TMEM217B: variants seen among roughly 807,000 people sequenced by gnomAD.
TMEM217B encodes the protein transmembrane protein 217B, also known as putative transmembrane protein 217B.
At chr6:37,248,602 CTCTT>C in the TMEM217B span, among the ~76,000 whole-genome samples, 1 of 152,212 alleles carries the variant, frequency 6.6e-6, no homozygotes, top group Admixed American at 6.5e-5. Context: ...GCCTCTTCCT[CTCTT>C]TGAGCTTCAG....
At chr6:37,229,433 C>G in the TMEM217B span, among the ~76,000 whole-genome samples, 2 of 150,488 alleles carry the variant, frequency 1.3e-5, no homozygotes, top group African/African-American at 4.9e-5. Context: ...AGCTCCGCCT[C>G]CCGGGTTCAC....
chr6:37,250,072 T>G, the TMEM217B span, among the ~76,000 whole-genome samples: 1 of 152,178 alleles, frequency 6.6e-6, no homozygotes, highest in Non-Finnish European at 1.5e-5. Context: ...CAGTGAAAAT[T>G]AGTGAACTGT....
the TMEM217B span, chr6:37,218,670 T>C: frequency 6.2e-7 from 1 of 1,614,150 alleles, no homozygotes; most frequent in Non-Finnish European, 8.5e-7. Flanking sequence ...ACCTCTTTAA[T>C]GTCAAAGTCA....
At chr6:37,235,389 A>G in the TMEM217B span, among the ~76,000 whole-genome samples, 1 of 152,048 alleles carries the variant, frequency 6.6e-6, no homozygotes, top group Non-Finnish European at 1.5e-5. Flanking sequence ...TTTTTGAGAC[A>G]GAGTCTTGCT....
the TMEM217B span, chr6:37,215,112 C>A: frequency 6.4e-7 from 1 of 1,564,944 alleles, no homozygotes; most frequent in Non-Finnish European, 8.7e-7. Flanking sequence ...CGGCACCTCT[C>A]TCTTGGGTCA....
the TMEM217B span, among the ~76,000 whole-genome samples, chr6:37,213,437 C>G: frequency 6.6e-6 from 1 of 152,212 alleles, no homozygotes; most frequent in Non-Finnish European, 1.5e-5. Flanking sequence ...CATCCTCTGC[C>G]CCCACTACTC....
the TMEM217B span, among the ~76,000 whole-genome samples, chr6:37,222,866 C>T: frequency 6.6e-6 from 1 of 152,244 alleles, no homozygotes. Flanking sequence ...CTAGCCGCGC[C>T]TCCCTGCTGC....
the TMEM217B span, chr6:37,215,076 G>C: frequency 7.6e-7 from 1 of 1,323,442 alleles, no homozygotes; most frequent in South Asian, 1.4e-5. Flanking sequence ...CCACAGCTCT[G>C]CTGCCCCAGC....
chr6:37,217,894 G>T, the TMEM217B span: 3 of 985,726 alleles, frequency 3.0e-6, no homozygotes, highest in African/African-American at 5.2e-5. Flanking sequence ...GACCAATCAG[G>T]TGGTAGAAAG....
At chr6:37,247,064 C>A in the TMEM217B span, among the ~76,000 whole-genome samples, 3 of 152,144 alleles carry the variant, frequency 2.0e-5, no homozygotes, top group East Asian at 5.8e-4. Context: ...CAGATCTGGT[C>A]ATGTCATGTC....
At chr6:37,244,252 A>T in the TMEM217B span, among the ~76,000 whole-genome samples, 1 of 152,222 alleles carries the variant, frequency 6.6e-6, no homozygotes, top group Non-Finnish European at 1.5e-5. Flanking sequence ...GAACAAGGAG[A>T]ATCTGGAGGT....
the TMEM217B span, chr6:37,218,870 T>A: frequency 1.2e-5 from 20 of 1,614,090 alleles, no homozygotes; most frequent in Middle Eastern, 9.9e-4. Context: ...ATTTATGATG[T>A]TACTTGCACC....
chr6:37,252,450 G>GACAT, the TMEM217B span, among the ~76,000 whole-genome samples: 1 of 151,460 alleles, frequency 6.6e-6, no homozygotes, highest in East Asian at 1.9e-4. Context: ...ACCCCTGGTT[G>GACAT]ACATACATAC....
chr6:37,246,497 T>C, the TMEM217B span, among the ~76,000 whole-genome samples: 3 of 152,214 alleles, frequency 2.0e-5, no homozygotes, highest in Admixed American at 6.5e-5. Flanking sequence ...TCTACTCTCA[T>C]GCACTGCAAG....
chr6:37,217,757 C>G, the TMEM217B span: 1 of 985,404 alleles, frequency 1.0e-6, no homozygotes, highest in African/African-American at 1.7e-5. Context: ...CTGCAAAAAT[C>G]TGGTATAAAT....
chr6:37,221,957 C>T, the TMEM217B span, among the ~76,000 whole-genome samples: 2 of 152,154 alleles, frequency 1.3e-5, no homozygotes, highest in African/African-American at 4.8e-5. Context: ...GTCTCTGAGG[C>T]TCTCAGAAGA....
chr6:37,217,635 T>C, the TMEM217B span: 1 of 985,292 alleles, frequency 1.0e-6, no homozygotes, highest in Non-Finnish European at 1.2e-6. Flanking sequence ...AGACATAAAT[T>C]GAAGGATGAA....
the TMEM217B span, among the ~76,000 whole-genome samples, chr6:37,241,429 G>C: frequency 6.6e-6 from 1 of 152,136 alleles, no homozygotes; most frequent in Admixed American, 6.6e-5. Flanking sequence ...ATTGTACCTG[G>C]AGAGGGGACT....
At chr6:37,255,406 G>A in the TMEM217B span, among the ~76,000 whole-genome samples, 2,376 of 152,226 alleles carry the variant, frequency 0.016, 50 homozygotes, top group Middle Eastern at 0.044. Flanking sequence ...TCTGGGCAGG[G>A]TGCGATGGCT....
Sources: gnomAD v4.1 joint callset for allele counts (sites outside exome capture counted in the v4.1 genomes callset) on GRCh38, gnomAD v4.1.1 for gene constraint, MANE v1.5 for transcripts, NCBI Gene and HGNC (gene_info 2026-07-23, HGNC 2026-07-21) for gene names.